The following FRMD4A variants were observed in gnomAD, a reference collection of about 807,000 sequenced individuals.
FRMD4A encodes the protein FERM domain-containing protein 4A.
A neutral mutation model predicts 129.1 loss-of-function variants in FRMD4A; 29 were observed. That is an observed-to-expected ratio of 0.22 (90% CI 0.17 to 0.31). The LOEUF (loss-of-function observed/expected upper bound fraction) is 0.31, where lower values mean the gene tolerates loss of function less well. Ranked by LOEUF, FRMD4A falls within the 10% of genes least tolerant of loss-of-function variation. The probability of loss-of-function intolerance (pLI) is 1.00; values close to 1 mark genes in which losing one functional copy is unlikely to be tolerated. For synonymous variants in FRMD4A, 634 were observed against 571.6 expected, an observed-to-expected ratio of 1.11 and a Z score of -1.56; for missense variants, 1,272 against 1,375.8, an observed-to-expected ratio of 0.92 and a Z score of 1.19.
chr10:13,721,559 T>C (rs972871594), intron 12 of FRMD4A, among the ~76,000 whole-genome samples: 1 of 152,176 alleles, frequency 6.6e-6, no homozygotes, highest in African/African-American at 2.4e-5. Context: ...CCCTAATTTT[T>C]AGTGGCATCC....
At chr10:14,289,661 C>T (rs1742903966) in intron 2 of FRMD4A, among the ~76,000 whole-genome samples, 1 of 152,104 alleles carries the variant, frequency 6.6e-6, no homozygotes, top group Admixed American at 6.5e-5. Flanking sequence ...CCAGCTAACA[C>T]CATCATCAAT....
chr10:14,324,531 G>C (rs1843187658), intron 2 of FRMD4A, among the ~76,000 whole-genome samples: 2 of 152,174 alleles, frequency 1.3e-5, no homozygotes, highest in African/African-American at 2.4e-5. Flanking sequence ...CAGTGGTTTA[G>C]GTGGCTTCAC....
At chr10:13,774,915 A>T (rs1452058558) in intron 6 of FRMD4A, among the ~76,000 whole-genome samples, 1 of 151,780 alleles carries the variant, frequency 6.6e-6, no homozygotes, top group East Asian at 1.9e-4. Context: ...AATATTAAAA[A>T]ATCAGATAAT....
Position 14,217,226 on chromosome 10 carries a change from C to A in FRMD4A, c.45+112832G>T, listed in dbSNP as rs1287162893. ...GTCCCAAACATCAATCCCTAGGGAG[C>A]CCATGATTTCTACTTTGGACCACTG... On this transcript the variant is annotated intron_variant, in intron 2 of 24. Coordinates refer to ENST00000357447, the MANE Select transcript of FRMD4A (RefSeq NM_018027.5). 2.0e-5 allele frequency among the ~76,000 whole-genome samples: 3 copies of A among 152,176 alleles called. No homozygotes were observed. The South Asian group carries it at 6.2e-4, about 32-fold the overall frequency.
intron 2 of FRMD4A, among the ~76,000 whole-genome samples, chr10:14,057,427 G>A (rs536264536): frequency 6.6e-6 from 1 of 152,296 alleles, no homozygotes; most frequent in South Asian, 2.1e-4. Context: ...AATAATACCA[G>A]GCTCCATGGC....
intron 2 of FRMD4A, among the ~76,000 whole-genome samples, chr10:14,129,524 G>A (rs559702755): frequency 6.6e-6 from 1 of 151,408 alleles, no homozygotes; most frequent in Non-Finnish European, 1.5e-5. Context: ...CCTGACTTTA[G>A]ACAATGCCCT....
At chr10:13,992,706 C>A (rs2095607512) in intron 2 of FRMD4A, among the ~76,000 whole-genome samples, 1 of 152,044 alleles carries the variant, frequency 6.6e-6, no homozygotes, top group Non-Finnish European at 1.5e-5. Context: ...GTAATCCCAG[C>A]ACTTTGGGAG....
At chr10:13,765,494 C>A (rs998333325) in intron 6 of FRMD4A, among the ~76,000 whole-genome samples, 19 of 152,110 alleles carry the variant, frequency 1.2e-4, no homozygotes, top group Non-Finnish European at 2.5e-4. Flanking sequence ...TTCAAGCACA[C>A]CTGGATCTTT....
Position 14,224,954 on chromosome 10 carries a change from A to G in FRMD4A, c.45+105104T>C, listed in dbSNP as rs113124740. 9.8e-3 allele frequency among the ~76,000 whole-genome samples: 1,494 copies of G among 152,298 alleles called. 23 individuals carry two copies. The highest frequency in any genetic ancestry group is 0.033 in the African/African-American group (1,379 of 41,556). On this transcript the variant is annotated intron_variant, in intron 2 of 24. Coordinates refer to ENST00000357447, the MANE Select transcript of FRMD4A (RefSeq NM_018027.5). ...AGGGCTCAAAGAAATACAATGGCAA[A>G]TCTTCAATAAATGTGCTCTGCCCCC...
intron 2 of FRMD4A, among the ~76,000 whole-genome samples, chr10:14,297,172 T>C (rs941098621): frequency 3.3e-5 from 5 of 151,326 alleles, no homozygotes; most frequent in African/African-American, 4.9e-5. Context: ...CAAGAAGATA[T>C]AGAAGAAGAA....
intron 6 of FRMD4A, among the ~76,000 whole-genome samples, chr10:13,769,540 G>A (rs112552114): frequency 0.025 from 3,847 of 152,126 alleles, 88 homozygotes; most frequent in African/African-American, 0.053. Flanking sequence ...GAACTCCTGG[G>A]CTCAAGTGAT....
intron 2 of FRMD4A, among the ~76,000 whole-genome samples, chr10:14,113,300 C>T (rs1838021936): frequency 6.6e-6 from 1 of 152,186 alleles, no homozygotes; most frequent in South Asian, 2.1e-4. Context: ...CTCTCCTCTT[C>T]CTCCTCAGCC....
At chr10:13,922,913 C>T (rs1465263129) in intron 2 of FRMD4A, among the ~76,000 whole-genome samples, 1 of 152,130 alleles carries the variant, frequency 6.6e-6, no homozygotes, top group East Asian at 1.9e-4. Context: ...ATTCAAATGG[C>T]AGGATTGATT....
intron 15 of FRMD4A, among the ~76,000 whole-genome samples, chr10:13,689,228 T>C (rs1307363712): frequency 3.2e-4 from 33 of 101,960 alleles, no homozygotes; most frequent in Non-Finnish European, 8.0e-5. Flanking sequence ...GGGAGGGCTA[T>C]AACTTTGTAA....
chr10:13,975,536 G>A (rs866947771), intron 2 of FRMD4A, among the ~76,000 whole-genome samples: 1 of 151,564 alleles, frequency 6.6e-6, no homozygotes, highest in Non-Finnish European at 1.5e-5. Context: ...CTGTGTGTTT[G>A]TGTGGGTCAT....
chr10:13,988,934 G>A (rs912765734), intron 2 of FRMD4A, among the ~76,000 whole-genome samples: 2 of 152,186 alleles, frequency 1.3e-5, no homozygotes, highest in African/African-American at 4.8e-5. Context: ...GAACTTGGAG[G>A]AATGCAGACT....
chr10:13,654,479 G>A lies in FRMD4A; in HGVS notation c.2987C>T (p.Pro996Leu), dbSNP rs199934183. The A allele has an allele frequency of 6.7e-5, 108 of 1,613,658 alleles. No homozygotes were observed. Among genetic ancestry groups the A allele is most frequent in the Non-Finnish European group, 8.7e-5 (103 of 1,179,724 alleles). Residue 996 changes from proline to leucine, a missense_variant, in exon 23 of 25, where the codon CCG becomes CTG. Around this residue, in one of 2 missense-constraint regions of FRMD4A, gnomAD observed 972 missense variants for 892.3 expected, o/e 1.09. Transcript: ENST00000357447. ...GGGGGTGGCTCCAATTTCACTTGACGGTGTCGAGCTTCTCTGGCTTTGAGG... is the reference window on the plus strand; with the variant it reads ...GGGGGTGGCTCCAATTTCACTTGACAGTGTCGAGCTTCTCTGGCTTTGAGG... ...ALPQSQRSST[P>L]SSEIGATPPS...
At chr10:13,971,053 G>C (rs886496901) in intron 2 of FRMD4A, among the ~76,000 whole-genome samples, 10 of 152,022 alleles carry the variant, frequency 6.6e-5, no homozygotes, top group Non-Finnish European at 1.5e-4. Context: ...TTACCAGCTT[G>C]TCACCACCCC....
At chr10:13,863,699 G>A (rs886185326) in intron 2 of FRMD4A, among the ~76,000 whole-genome samples, 2 of 151,872 alleles carry the variant, frequency 1.3e-5, no homozygotes, top group African/African-American at 4.8e-5. Flanking sequence ...AACGCTTTAG[G>A]CTTCTGGGTG....
Sources: gnomAD v4.1 joint callset for allele counts (sites outside exome capture counted in the v4.1 genomes callset) on GRCh38, gnomAD v4.1.1 for gene constraint, gnomAD v4.1.1 regional missense constraint, MANE v1.5 for transcripts, NCBI Gene and HGNC (gene_info 2026-07-23, HGNC 2026-07-21) for gene names.